Variants in PEBP4 observed in about 807,000 individuals in gnomAD.
The protein encoded by PEBP4 is phosphatidylethanolamine binding protein 4.
Under a neutral mutation model 23.9 loss-of-function variants are expected in PEBP4, and 22 were observed. The ratio of observed to expected loss-of-function variants is 0.92; its 90% confidence interval spans 0.66 to 1.31. The LOEUF (loss-of-function observed/expected upper bound fraction) is 1.31, where lower values mean the gene tolerates loss of function less well. Among genes scored for constraint, PEBP4 ranks in the 40% most tolerant of loss-of-function variants. The probability of loss-of-function intolerance (pLI) is 0.00; values close to 1 mark genes in which losing one functional copy is unlikely to be tolerated. For missense variants in PEBP4, 324 were observed against 281.7 expected (o/e 1.15, Z -1.07); for synonymous variants, 112 against 99.3 (o/e 1.13, Z -0.76).
chr8:22,916,005 C>T (rs1477066103), intron 3 of PEBP4, among the ~76,000 whole-genome samples: 3 of 152,162 alleles, frequency 2.0e-5, no homozygotes, highest in Middle Eastern at 3.2e-3. Flanking sequence ...TGGGAGGCTG[C>T]GGCTAGAGGC....
intron 4 of PEBP4, among the ~76,000 whole-genome samples, chr8:22,808,864 A>G (rs1328822606): frequency 6.6e-6 from 1 of 152,118 alleles, no homozygotes; most frequent in African/African-American, 2.4e-5. Context: ...TTTTTTATTT[A>G]TTGTATTTTA....
chr8:22,904,458 C>A (rs1164177782), intron 3 of PEBP4, among the ~76,000 whole-genome samples: 5 of 152,214 alleles, frequency 3.3e-5, no homozygotes, highest in African/African-American at 1.2e-4. Context: ...CAGCAACCAG[C>A]ACTCAGACCA....
At chr8:22,759,469 A>G (rs1585258083) in intron 4 of PEBP4, among the ~76,000 whole-genome samples, 1 of 151,410 alleles carries the variant, frequency 6.6e-6, no homozygotes, top group Non-Finnish European at 1.5e-5. Flanking sequence ...ATCTTTGTGC[A>G]CCTTGGCACC....
intron 3 of PEBP4, chr8:22,885,335 C>A (rs1379072223): frequency 6.6e-6 from 1 of 152,156 alleles, no homozygotes; most frequent in African/African-American, 2.4e-5. Flanking sequence ...ATGACTTTCT[C>A]AGAGTCACAC....
At chr8:22,935,639 CTCATGTGATGGGTCACAG>C (rs1809527428) in intron 1 of PEBP4, among the ~76,000 whole-genome samples, 1 of 152,120 alleles carries the variant, frequency 6.6e-6, no homozygotes, top group Non-Finnish European at 1.5e-5. Flanking sequence ...TACACCTGAC[CTCATGTGATGGGTCACAG>C]TCAAAACTTT....
chr8:22,713,642 G>A, intron 6 of PEBP4, 106 bp from the exon 7 acceptor site: 4 of 1,490,438 alleles, frequency 2.7e-6, no homozygotes, highest in South Asian at 1.2e-5. Context: ...GAGGCAGCAG[G>A]TGATGCGATG....
intron 4 of PEBP4, among the ~76,000 whole-genome samples, chr8:22,741,103 C>A (rs1804980965): frequency 6.6e-6 from 1 of 152,112 alleles, no homozygotes; most frequent in African/African-American, 2.4e-5. Context: ...GATGAGGGTG[C>A]GGGGCAGCCC....
chr8:22,732,634 T>TTGTGTG (rs61376190), intron 4 of PEBP4, among the ~76,000 whole-genome samples: 232 of 149,230 alleles, frequency 1.6e-3, no homozygotes, highest in African/African-American at 4.4e-3. Context: ...CTGGCCCCAT[T>TTGTGTG]TGTGTGTGTG....
intron 3 of PEBP4, among the ~76,000 whole-genome samples, chr8:22,892,343 C>T (rs1343279436): frequency 6.6e-6 from 1 of 152,190 alleles, no homozygotes; most frequent in Non-Finnish European, 1.5e-5. Flanking sequence ...TCCATTCACA[C>T]TGCTGTGTAG....
intron 3 of PEBP4, among the ~76,000 whole-genome samples, chr8:22,837,689 A>G (rs1018061663): frequency 4.0e-5 from 6 of 151,798 alleles, no homozygotes; most frequent in Non-Finnish European, 1.5e-5. Flanking sequence ...CTCTCTGCCC[A>G]TCAGAAAATC....
intron 3 of PEBP4, among the ~76,000 whole-genome samples, chr8:22,853,102 C>T (rs1220656425): frequency 1.3e-5 from 2 of 152,248 alleles, no homozygotes; most frequent in Non-Finnish European, 2.9e-5. Flanking sequence ...ACTAAGCATT[C>T]CAGTTTCATT....
chr8:22,906,030 C>T (rs1324882295), intron 3 of PEBP4, among the ~76,000 whole-genome samples: 1 of 152,068 alleles, frequency 6.6e-6, no homozygotes, highest in Non-Finnish European at 1.5e-5. Context: ...TTGAGGCAGC[C>T]GCTGACATTG....
intron 4 of PEBP4, among the ~76,000 whole-genome samples, chr8:22,751,619 T>G (rs1585253469): frequency 2.1e-5 from 2 of 94,016 alleles, no homozygotes; most frequent in East Asian, 3.7e-4. Flanking sequence ...TCTGTGTGTG[T>G]GTGTGTGTCT....
chr8:22,734,596 C>T (rs946509603), intron 4 of PEBP4, among the ~76,000 whole-genome samples: 2 of 152,178 alleles, frequency 1.3e-5, no homozygotes, highest in African/African-American at 2.4e-5. Context: ...TATCTTGGCA[C>T]AGTCTGGCAA....
At chr8:22,815,729 T>G (rs1252036950) in intron 4 of PEBP4, among the ~76,000 whole-genome samples, 2 of 152,224 alleles carry the variant, frequency 1.3e-5, no homozygotes, top group Non-Finnish European at 2.9e-5. Flanking sequence ...GCCGGACAGC[T>G]GCCACCTGTC....
At chr8:22,933,889 T>C (rs1809498182) in intron 1 of PEBP4, among the ~76,000 whole-genome samples, 1 of 152,232 alleles carries the variant, frequency 6.6e-6, no homozygotes, top group Non-Finnish European at 1.5e-5. Flanking sequence ...AAGAGGTTTA[T>C]TTGGCTCACA....
In PEBP4 at chr8:22,865,263, AAAC is replaced by A. The variant is rs1563242172; in HGVS notation, c.259-47531_259-47529del. 6.6e-6 allele frequency among the ~76,000 whole-genome samples: 1 copy of A among 152,112 alleles called. No individual in the cohort carries two copies. Among genetic ancestry groups the A allele is most frequent in the African/African-American group, 2.4e-5 (1 of 41,434 alleles). ...GGAAGGTGTTTTTGCGAAAATGACAAAACAACTCCTTGCTCAGGGCAGCCCGGG... is the reference window on the plus strand; with the variant it reads ...GGAAGGTGTTTTTGCGAAAATGACAAAACTCCTTGCTCAGGGCAGCCCGGG... On this transcript the variant is annotated intron_variant, in intron 3 of 6. Coordinates refer to ENST00000256404, the MANE Select transcript of PEBP4 (RefSeq NM_144962.3). The surrounding 1 kb of genome is among the most constrained non-coding windows in gnomAD (Gnocchi z 6.9).
intron 3 of PEBP4, among the ~76,000 whole-genome samples, chr8:22,830,295 A>T (rs535542072): frequency 1.6e-4 from 23 of 142,916 alleles, no homozygotes; most frequent in African/African-American, 5.5e-4. Flanking sequence ...ACGCCTGGCT[A>T]ATTTTTGTGT....
intron 3 of PEBP4, among the ~76,000 whole-genome samples, chr8:22,818,583 G>A (rs1223656549): frequency 6.6e-6 from 1 of 152,148 alleles, no homozygotes; most frequent in Non-Finnish European, 1.5e-5. Flanking sequence ...AGGGAGTGGG[G>A]TTTTATTCAA....
Sources: gnomAD v4.1 joint callset for allele counts (sites outside exome capture counted in the v4.1 genomes callset) on GRCh38, gnomAD v4.1.1 for gene constraint, Gnocchi (gnomAD v3.1) non-coding constraint, MANE v1.5 for transcripts, NCBI Gene and HGNC (gene_info 2026-07-23, HGNC 2026-07-21) for gene names.